Variants in PCDH15 observed in about 807,000 individuals in gnomAD.
PCDH15 encodes the protein protocadherin related 15.
A neutral mutation model predicts 178.5 loss-of-function variants in PCDH15; 129 were observed. That is an observed-to-expected ratio of 0.72 (90% CI 0.63 to 0.84). PCDH15 has a LOEUF of 0.84. PCDH15 is among the 40% of genes least tolerant of loss of function. PCDH15 has a pLI of 0.00. For missense variants in PCDH15, 2,230 were observed against 2,099.9 expected (o/e 1.06, Z -1.21); for synonymous variants, 800 against 732.0 (o/e 1.09, Z -1.50).
chr10:55,338,240 G>A (rs1844451766), intron 2 of PCDH15, among the ~76,000 whole-genome samples: 1 of 151,810 alleles, frequency 6.6e-6, no homozygotes, highest in Non-Finnish European at 1.5e-5. Flanking sequence ...CAGTATAAAC[G>A]TCCCTCAAAA....
chr10:54,875,429 A>T (rs1954123106), intron 3 of PCDH15, among the ~76,000 whole-genome samples: 1 of 152,110 alleles, frequency 6.6e-6, no homozygotes, highest in Non-Finnish European at 1.5e-5. Flanking sequence ...CAAGTATCTC[A>T]CTTTAATTTC....
At chr10:54,103,398 T>C (rs1455749547) in intron 15 of PCDH15, among the ~76,000 whole-genome samples, 5 of 152,208 alleles carry the variant, frequency 3.3e-5, no homozygotes, top group Admixed American at 6.5e-5. Context: ...ACTTGGCCCA[T>C]GCCACCTTGG....
rs963424315 is a variant in PCDH15, at chr10:55,506,765, T to C, written c.-156+120860A>G. On this transcript the variant is annotated intron_variant, in intron 2 of 5. Coordinates refer to the PCDH15 transcript ENST00000613346. ...AGAATATAATATCTCACATACACTT[T>C]GATATTGTTTTAGAGCTATTTCTTA... Among the ~76,000 whole-genome samples the C allele has an allele frequency of 2.0e-5, 3 of 151,636 alleles. No individual in the cohort carries two copies. The Admixed American group carries it at 2.0e-4, about 10-fold the overall frequency.
At chr10:55,359,558 A>T (rs565028602) in intron 2 of PCDH15, among the ~76,000 whole-genome samples, 1 of 151,870 alleles carries the variant, frequency 6.6e-6, no homozygotes, top group African/African-American at 2.4e-5. Flanking sequence ...GAACAGCCAC[A>T]TGAACCAGAA....
At chr10:54,925,735 C>T (rs1303300044) in intron 2 of PCDH15, among the ~76,000 whole-genome samples, 1 of 152,082 alleles carries the variant, frequency 6.6e-6, no homozygotes, top group African/African-American at 2.4e-5. Context: ...CATGATTTGG[C>T]ACTTGGCTTG....
At chr10:55,498,617 G>A (rs915479765) in intron 2 of PCDH15, among the ~76,000 whole-genome samples, 1 of 151,834 alleles carries the variant, frequency 6.6e-6, no homozygotes, top group Admixed American at 6.6e-5. Context: ...GTCATACTAT[G>A]CCAAGTATGA....
At chr10:54,790,291 A>G (rs1393908127) in intron 1 of PCDH15, among the ~76,000 whole-genome samples, 1 of 151,778 alleles carries the variant, frequency 6.6e-6, no homozygotes, top group East Asian at 1.9e-4. Context: ...TGACAGTGAC[A>G]ACTATCTATT....
At chr10:54,019,513 T>C (rs986536566) in intron 20 of PCDH15, among the ~76,000 whole-genome samples, 4 of 152,122 alleles carry the variant, frequency 2.6e-5, no homozygotes, top group Non-Finnish European at 5.9e-5. Flanking sequence ...AGGATCACGG[T>C]ATGTACTACT....
intron 2 of PCDH15, among the ~76,000 whole-genome samples, chr10:55,343,670 T>C (rs910800105): frequency 1.3e-5 from 2 of 151,988 alleles, no homozygotes; most frequent in Non-Finnish European, 2.9e-5. Context: ...CTAAATAATA[T>C]GTGTATTGAC....
intron 2 of PCDH15, among the ~76,000 whole-genome samples, chr10:55,051,756 A>G (rs1173764716): frequency 6.6e-6 from 1 of 152,220 alleles, no homozygotes; most frequent in Non-Finnish European, 1.5e-5. Flanking sequence ...AGATAGTGAC[A>G]GAGCTCAGAA....
intron 1 of PCDH15, among the ~76,000 whole-genome samples, chr10:54,704,339 G>A (rs1245523981): frequency 1.3e-5 from 2 of 152,074 alleles, no homozygotes; most frequent in African/African-American, 4.8e-5. Context: ...CATAGTACAT[G>A]AAACTATCAA....
intron 2 of PCDH15, among the ~76,000 whole-genome samples, chr10:54,661,297 A>G (rs1055121257): frequency 2.0e-5 from 3 of 152,020 alleles, no homozygotes. Context: ...CATTTATAAT[A>G]GACACAAAAA....
rs12220347 is a variant in PCDH15, at chr10:54,957,981, T to C, written c.-79-60481A>G. 2.3e-3 allele frequency among the ~76,000 whole-genome samples: 352 copies of C among 151,878 alleles called. 12 individuals carry two copies. The East Asian group carries it at 0.063, about 27-fold the overall frequency. ...CCAGGAAGAAAAAAGGTTGACCCACTGAAGACAACTTTAGACCCTTTCAAT... is the reference window on the plus strand; with the variant it reads ...CCAGGAAGAAAAAAGGTTGACCCACCGAAGACAACTTTAGACCCTTTCAAT... On this transcript the variant is annotated intron_variant, in intron 2 of 5. Transcript: ENST00000458638.
At chr10:55,087,681 G>A (rs940427469) in intron 2 of PCDH15, among the ~76,000 whole-genome samples, 2 of 152,114 alleles carry the variant, frequency 1.3e-5, no homozygotes, top group Admixed American at 6.6e-5. Context: ...GGTGGTAATG[G>A]TTCTCAAAGG....
Position 55,017,633 on chromosome 10 carries a change from T to TTTTGAGG in PCDH15, c.-79-120134_-79-120133insCCTCAAA, listed in dbSNP as rs1840214821. ...GCATGTTCAAAAGTAGAATATCCTC[T>TTTTGAGG]ATATGCCCAAGAGAAATTTTACAAT... On this transcript the variant is annotated intron_variant, in intron 2 of 5. Transcript: ENST00000458638. Among the ~76,000 whole-genome samples the TTTTGAGG allele has an allele frequency of 3.3e-5, 5 of 152,270 alleles. No individual in the cohort carries two copies. In the South Asian group the frequency reaches 1.0e-3, roughly 32 times the overall value.
intron 2 of PCDH15, among the ~76,000 whole-genome samples, chr10:55,011,247 C>A (rs927175790): frequency 6.6e-6 from 1 of 151,800 alleles, no homozygotes; most frequent in Non-Finnish European, 1.5e-5. Flanking sequence ...GGAGAAATTG[C>A]CAGAAAATAT....
At chr10:55,376,575 A>G (rs1006186998) in intron 2 of PCDH15, among the ~76,000 whole-genome samples, 4 of 152,074 alleles carry the variant, frequency 2.6e-5, no homozygotes, top group African/African-American at 9.7e-5. Context: ...AGCTTTGATT[A>G]TTGAAGAAGA....
chr10:54,877,990 T>C (rs1954182902), intron 3 of PCDH15, among the ~76,000 whole-genome samples: 1 of 125,258 alleles, frequency 8.0e-6, no homozygotes, highest in Admixed American at 9.7e-5. Flanking sequence ...TGAAGTGGAG[T>C]CTCGCTCTGT....
At chr10:54,521,745 T>G (rs75697976) in intron 3 of PCDH15, among the ~76,000 whole-genome samples, 1 of 152,174 alleles carries the variant, frequency 6.6e-6, no homozygotes, top group Admixed American at 6.6e-5. Flanking sequence ...CTGAGCCAAA[T>G]TGAATGACTT....
Sources: gnomAD v4.1 joint callset for allele counts (sites outside exome capture counted in the v4.1 genomes callset) on GRCh38, gnomAD v4.1.1 for gene constraint, MANE v1.5 for transcripts, NCBI Gene and HGNC (gene_info 2026-07-23, HGNC 2026-07-21) for gene names.